The following ARHGAP42 variants were observed in gnomAD, a reference collection of about 807,000 sequenced individuals.
ARHGAP42 encodes Rho GTPase activating protein 42, also known as rho GTPase-activating protein 42.
In ARHGAP42, 63 loss-of-function variants were observed where a neutral mutation model predicts 125.0. The observed-to-expected ratio is 0.50, with a 90% confidence interval of 0.41 to 0.62. The LOEUF (loss-of-function observed/expected upper bound fraction) is 0.62, where lower values mean the gene tolerates loss of function less well. Among genes scored for constraint, ARHGAP42 ranks in the 20% least tolerant of loss-of-function variants. The pLI is 0.00. For synonymous variants in ARHGAP42, 339 were observed against 351.0 expected, an observed-to-expected ratio of 0.97 and a Z score of 0.38; for missense variants, 766 against 1,024.2, an observed-to-expected ratio of 0.75 and a Z score of 3.44.
intron 4 of ARHGAP42, among the ~76,000 whole-genome samples, chr11:100,881,622 T>C (rs1865964871): frequency 6.6e-6 from 1 of 152,170 alleles, no homozygotes; most frequent in Non-Finnish European, 1.5e-5. Flanking sequence ...AGAATGATGG[T>C]GTCATTTTGA....
chr11:100,948,362 C>G, intron 10 of ARHGAP42, 95 bp from the exon 11 acceptor site: 1 of 805,284 alleles, frequency 1.2e-6, no homozygotes, highest in East Asian at 3.3e-5. Flanking sequence ...TCTCTTTTCT[C>G]TTAACTTTTT....
In ARHGAP42 at chr11:100,728,714, GTATATATATATATA is replaced by G. The variant is rs57293905; in HGVS notation, c.154+40912_154+40925del. Among the ~76,000 whole-genome samples, 195 of 70,400 alleles carry G rather than the reference GTATATATATATATA, an allele frequency of 2.8e-3. 1 individual carries two copies. Among genetic ancestry groups the G allele is most frequent in the African/African-American group, 5.8e-3 (90 of 15,414 alleles). The allele number at this position is 70,400 out of a possible 152,430, so 46.2% of individuals were successfully genotyped here. ...AGTGAAATTATATGAATGACTTTGC[GTATATATATATATA>G]TATATATATATATATATATATATAT... On this transcript the variant is annotated intron_variant, in intron 1 of 23. Transcript: ENST00000298815.
chr11:100,942,799 C>T (rs2135273864), intron 9 of ARHGAP42, among the ~76,000 whole-genome samples: 1 of 151,984 alleles, frequency 6.6e-6, no homozygotes, highest in African/African-American at 2.4e-5. Context: ...AGAACATAAC[C>T]AGAGAAAAAG....
chr11:100,708,075 G>C (rs1861506643), intron 1 of ARHGAP42, among the ~76,000 whole-genome samples: 1 of 152,182 alleles, frequency 6.6e-6, no homozygotes, highest in Admixed American at 6.5e-5. Context: ...TGTACACTGA[G>C]TAGCCCTAGT....
chr11:100,689,938 C>T (rs1473223773), intron 1 of ARHGAP42, among the ~76,000 whole-genome samples: 1 of 152,140 alleles, frequency 6.6e-6, no homozygotes, highest in Non-Finnish European at 1.5e-5. Flanking sequence ...TGAGGCTGGG[C>T]TGCAGCTGCT....
chr11:100,690,145 A>G (rs1030263382), intron 1 of ARHGAP42, among the ~76,000 whole-genome samples: 3 of 152,034 alleles, frequency 2.0e-5, no homozygotes, highest in South Asian at 4.1e-4. Flanking sequence ...TTCTTCCCCC[A>G]GTCTGTCTTT....
chr11:100,810,869 T>C (rs1002682570), intron 3 of ARHGAP42, among the ~76,000 whole-genome samples: 29 of 152,316 alleles, frequency 1.9e-4, no homozygotes, highest in African/African-American at 6.3e-4. Flanking sequence ...TTTTCTTTTT[T>C]TATAAATGAG....
At chr11:100,853,670 T>C (rs1169379423) in intron 3 of ARHGAP42, among the ~76,000 whole-genome samples, 3 of 152,146 alleles carry the variant, frequency 2.0e-5, no homozygotes, top group Non-Finnish European at 4.4e-5. Flanking sequence ...GGTCAATTCC[T>C]TCTTGGTTGA....
intron 3 of ARHGAP42, among the ~76,000 whole-genome samples, chr11:100,846,523 TC>T (rs1486359883): frequency 6.6e-6 from 1 of 152,146 alleles, no homozygotes. Flanking sequence ...TACCCCCACT[TC>T]CAACCAATAA....
At chr11:100,833,690 AAGAG>A (rs949045308) in intron 3 of ARHGAP42, among the ~76,000 whole-genome samples, 1 of 152,144 alleles carries the variant, frequency 6.6e-6, no homozygotes, top group African/African-American at 2.4e-5. Flanking sequence ...TCCCAAGTGA[AAGAG>A]AGTTAGGAAG....
At chr11:100,733,520 A>G (rs1565546008) in intron 1 of ARHGAP42, among the ~76,000 whole-genome samples, 1 of 152,176 alleles carries the variant, frequency 6.6e-6, no homozygotes, top group Non-Finnish European at 1.5e-5. Context: ...CTCTCTTTGT[A>G]TATTTAAAAT....
intron 3 of ARHGAP42, among the ~76,000 whole-genome samples, chr11:100,830,531 T>C (rs796809627): frequency 6.6e-6 from 1 of 152,182 alleles, no homozygotes; most frequent in South Asian, 2.1e-4. Context: ...TCAGGCTTGC[T>C]GCGGACCTAC....
At chr11:100,886,576 A>G (rs1340418563) in intron 4 of ARHGAP42, among the ~76,000 whole-genome samples, 1 of 152,234 alleles carries the variant, frequency 6.6e-6, no homozygotes, top group African/African-American at 2.4e-5. Flanking sequence ...ATCATCACAA[A>G]GAATTAGCTT....
At chr11:100,779,485 T>TATATACAC (rs1312550660) in intron 2 of ARHGAP42, among the ~76,000 whole-genome samples, 17 of 81,436 alleles carry the variant, frequency 2.1e-4, no homozygotes, top group African/African-American at 4.3e-4. Flanking sequence ...TATATATATA[T>TATATACAC]ACACACACAC....
chr11:100,875,407 C>A (rs888180599), intron 4 of ARHGAP42, among the ~76,000 whole-genome samples: 1 of 151,958 alleles, frequency 6.6e-6, no homozygotes, highest in African/African-American at 2.4e-5. Flanking sequence ...AAGGACGTTG[C>A]AATTTAAGGC....
chr11:100,892,026 T>C (rs1866232162), intron 4 of ARHGAP42, among the ~76,000 whole-genome samples: 1 of 152,102 alleles, frequency 6.6e-6, no homozygotes, highest in African/African-American at 2.4e-5. Context: ...ACATTGGTAT[T>C]AGTAGAGCAT....
intron 22 of ARHGAP42, among the ~76,000 whole-genome samples, chr11:100,983,548 T>C (rs2135331682): frequency 6.6e-6 from 1 of 152,036 alleles, no homozygotes; most frequent in East Asian, 1.9e-4. Context: ...GGTAGGGGAG[T>C]TCACTGTATT....
rs113005079 is a variant in ARHGAP42, at chr11:100,736,027, T to C, written c.155-34316T>C. On this transcript the variant is annotated intron_variant, in intron 1 of 23. Transcript: ENST00000298815. Reference sequence around the variant, plus strand: ...AAATCAAGAGAGTAAAAGGAAGCAATAGAAAGGAAAGGATAGTTTTCAGAG... The same window carrying C: ...AAATCAAGAGAGTAAAAGGAAGCAACAGAAAGGAAAGGATAGTTTTCAGAG... Among the ~76,000 whole-genome samples the C allele has an allele frequency of 5.7e-3, 875 of 152,204 alleles. 6 individuals carry two copies. The highest frequency in any genetic ancestry group is 0.02 in the Middle Eastern group (6 of 294).
At chr11:100,690,746 G>A (rs1861175288) in intron 1 of ARHGAP42, among the ~76,000 whole-genome samples, 2 of 151,922 alleles carry the variant, frequency 1.3e-5, no homozygotes, top group Non-Finnish European at 1.5e-5. Context: ...ACAGGTGCCC[G>A]CCACCACACC....
Sources: allele counts gnomAD v4.1 joint callset (sites outside exome capture counted in the v4.1 genomes callset), GRCh38; gene constraint gnomAD v4.1.1; transcripts MANE v1.5; gene names NCBI Gene and HGNC (gene_info 2026-07-23, HGNC 2026-07-21).